GADL1: variants seen among roughly 807,000 people sequenced by gnomAD.
GADL1 encodes GAD like acidic amino acid decarboxylase 1, also known as acidic amino acid decarboxylase GADL1.
GADL1 carries 71 observed loss-of-function variants against 69.5 expected under a neutral mutation model. That is an observed-to-expected ratio of 1.02 (90% CI 0.84 to 1.25). The LOEUF (loss-of-function observed/expected upper bound fraction) is 1.25, where lower values mean the gene tolerates loss of function less well. GADL1 is among the 50% of genes most tolerant of loss of function. The probability of loss-of-function intolerance (pLI) is 0.00; values close to 1 mark genes in which losing one functional copy is unlikely to be tolerated. For synonymous variants in GADL1, 254 were observed against 214.4 expected (o/e 1.18, Z -1.62); for missense variants, 737 against 631.8 (o/e 1.17, Z -1.79).
At chr3:30,758,250 T>G (rs530230056) in intron 14 of GADL1, among the ~76,000 whole-genome samples, 1 of 152,240 alleles carries the variant, frequency 6.6e-6, no homozygotes, top group African/African-American at 2.4e-5. Context: ...GCACCAAGTA[T>G]GTATTCTTAG....
At chr3:30,781,850 A>G (rs1250649515) in intron 13 of GADL1, among the ~76,000 whole-genome samples, 2 of 152,210 alleles carry the variant, frequency 1.3e-5, no homozygotes, top group Non-Finnish European at 2.9e-5. Context: ...CATAATGGCA[A>G]AAAGAGATGT....
chr3:30,835,031 C>T (rs560954861), intron 9 of GADL1, among the ~76,000 whole-genome samples: 11 of 152,212 alleles, frequency 7.2e-5, no homozygotes, highest in African/African-American at 2.4e-4. Flanking sequence ...TTTGAAGGGA[C>T]TAGCTTGGGC....
intron 11 of GADL1, among the ~76,000 whole-genome samples, chr3:30,830,653 G>C (rs1339949481): frequency 1.3e-5 from 2 of 151,802 alleles, no homozygotes; most frequent in African/African-American, 4.8e-5. Flanking sequence ...TCCTCCCAAG[G>C]CATCTATAAC....
intron 5 of GADL1, 98 bp downstream of exon 5, chr3:30,850,737 C>T (rs1365041226): frequency 2.9e-6 from 2 of 680,824 alleles, no homozygotes; most frequent in Admixed American, 2.5e-5. Flanking sequence ...TAATATCCAA[C>T]TTTTTGTCGT....
At chr3:30,746,504 C>G (rs573075714) in intron 14 of GADL1, among the ~76,000 whole-genome samples, 1 of 152,278 alleles carries the variant, frequency 6.6e-6, no homozygotes, top group Non-Finnish European at 1.5e-5. Flanking sequence ...TCAATATTTT[C>G]ACAGGGGCAT....
chr3:30,754,224 A>T (rs545584562), intron 14 of GADL1, among the ~76,000 whole-genome samples: 64 of 152,286 alleles, frequency 4.2e-4, no homozygotes, highest in African/African-American at 1.5e-3. Flanking sequence ...TACAAGTTCA[A>T]TGTGAGGGGC....
intron 13 of GADL1, chr3:30,778,793 A>T (rs1185926089): frequency 1.3e-5 from 2 of 152,176 alleles, no homozygotes; most frequent in Non-Finnish European, 2.9e-5. Context: ...CTGCTTTTGA[A>T]AAAAGAACAT....
intron 14 of GADL1, among the ~76,000 whole-genome samples, chr3:30,746,216 A>G (rs1695701073): frequency 6.6e-6 from 1 of 152,034 alleles, no homozygotes; most frequent in Non-Finnish European, 1.5e-5. Flanking sequence ...TCGAGACCTC[A>G]AGTGGCCTCA....
At chr3:30,792,005 T>C (rs964103853) in intron 12 of GADL1, among the ~76,000 whole-genome samples, 1 of 152,158 alleles carries the variant, frequency 6.6e-6, no homozygotes, top group African/African-American at 2.4e-5. Context: ...AACCTCTTTT[T>C]CTTTATAAAT....
chr3:30,729,192 C>G (rs990407893), intron 14 of GADL1, among the ~76,000 whole-genome samples: 1 of 152,070 alleles, frequency 6.6e-6, no homozygotes, highest in Non-Finnish European at 1.5e-5. Context: ...AGAAACTAGT[C>G]TAATTTAAGA....
chr3:30,751,987 C>T (rs766989625), intron 14 of GADL1, among the ~76,000 whole-genome samples: 2 of 144,174 alleles, frequency 1.4e-5, no homozygotes, highest in African/African-American at 2.8e-5. Context: ...TTACTGATGG[C>T]TGTCTAAATA....
chr3:30,830,543 C>T (rs140672308), intron 11 of GADL1, among the ~76,000 whole-genome samples: 2 of 152,004 alleles, frequency 1.3e-5, no homozygotes, highest in African/African-American at 2.4e-5. Context: ...GCCATTCTGA[C>T]TCAGCCTTCA....
intron 14 of GADL1, among the ~76,000 whole-genome samples, chr3:30,762,464 A>T (rs961810380): frequency 6.6e-6 from 1 of 152,178 alleles, no homozygotes; most frequent in Admixed American, 6.5e-5. Flanking sequence ...GAAACTTAAC[A>T]TTTTTATAAT....
chr3:30,726,246 A>G lies in GADL1; in HGVS notation c.*1996T>C, dbSNP rs1695365252. ...TTATTCAAGGTGTTAACTAAAATACAGAGAGCTTTCAACCTACTTTTTCAG... is the reference window on the plus strand; with the variant it reads ...TTATTCAAGGTGTTAACTAAAATACGGAGAGCTTTCAACCTACTTTTTCAG... On this transcript the variant is annotated 3_prime_UTR_variant, in exon 15 of 15. Coordinates refer to ENST00000282538, the MANE Select transcript of GADL1 (RefSeq NM_207359.3). The G allele has an allele frequency of 6.6e-6, 1 of 152,198 alleles. No homozygotes were observed. Among genetic ancestry groups the G allele is most frequent in the South Asian group, 2.1e-4 (1 of 4,830 alleles). 9.4% of individuals were successfully genotyped at this position (152,198 alleles called of 1,614,324 possible).
chr3:30,867,630 A>G (rs989212556), intron 1 of GADL1, among the ~76,000 whole-genome samples: 3 of 151,870 alleles, frequency 2.0e-5, no homozygotes, highest in African/African-American at 4.8e-5. Context: ...TCACAGAACT[A>G]GTGAGTAGTG....
rs188133318 is a variant in GADL1 at position 30,769,017 on chromosome 3, C to T, written c.1392+9162G>A. Among the ~76,000 whole-genome samples, 538 of 152,272 alleles carry T rather than the reference C, an allele frequency of 3.5e-3. 3 individuals carry two copies. Among genetic ancestry groups the T allele is most frequent in the Non-Finnish European group, 4.6e-3 (314 of 68,020 alleles). On this transcript the variant is annotated intron_variant, in intron 14 of 14. Transcript: ENST00000282538. ...TTGTTTTTGCAACAACAAACTGCAT[C>T]AAGTCCAGAGCATTTTCCTTAATGG...
At chr3:30,807,815 G>T (rs7644452) in intron 11 of GADL1, among the ~76,000 whole-genome samples, 81,543 of 151,616 alleles carry the variant, frequency 0.54, 25,206 homozygotes, top group African/African-American at 0.85. Flanking sequence ...GCAGATCACT[G>T]GAGGTCAGGA....
At chr3:30,733,333 A>C (rs1695492552) in intron 14 of GADL1, among the ~76,000 whole-genome samples, 1 of 152,190 alleles carries the variant, frequency 6.6e-6, no homozygotes, top group South Asian at 2.1e-4. Context: ...GCTTTCTTCC[A>C]GTATAGTTTT....
At chr3:30,733,143 A>G (rs1695488740) in intron 14 of GADL1, among the ~76,000 whole-genome samples, 1 of 152,230 alleles carries the variant, frequency 6.6e-6, no homozygotes, top group Non-Finnish European at 1.5e-5. Flanking sequence ...GTAAAATACA[A>G]TAAAAATCAA....
Sources: allele counts gnomAD v4.1 joint callset (sites outside exome capture counted in the v4.1 genomes callset), GRCh38; gene constraint gnomAD v4.1.1; transcripts MANE v1.5; gene names NCBI Gene and HGNC (gene_info 2026-07-23, HGNC 2026-07-21).